The following GALNTL6 variants were observed in gnomAD, a reference collection of about 807,000 sequenced individuals.
GALNTL6 encodes the protein polypeptide N-acetylgalactosaminyltransferase like 6.
In GALNTL6, 46 loss-of-function variants were observed where a neutral mutation model predicts 73.7. The ratio of observed to expected loss-of-function variants is 0.62; its 90% confidence interval spans 0.49 to 0.80. GALNTL6 has a LOEUF of 0.80. Ranked by LOEUF, GALNTL6 falls within the 30% of genes least tolerant of loss-of-function variation. GALNTL6 has a pLI of 0.00. For synonymous variants in GALNTL6, 259 were observed against 263.7 expected, an observed-to-expected ratio of 0.98 and a Z score of 0.17; for missense variants, 604 against 755.0, an observed-to-expected ratio of 0.80 and a Z score of 2.34.
intron 2 of GALNTL6, among the ~76,000 whole-genome samples, chr4:172,210,051 A>G (rs1055807751): frequency 1.3e-5 from 2 of 152,142 alleles, no homozygotes; most frequent in African/African-American, 2.4e-5. Flanking sequence ...ACAATAAGCT[A>G]TGAATTGCAA....
intron 2 of GALNTL6, among the ~76,000 whole-genome samples, chr4:172,222,827 A>G (rs1736729749): frequency 6.6e-6 from 1 of 152,000 alleles, no homozygotes; most frequent in Non-Finnish European, 1.5e-5. Flanking sequence ...GTTTATACCA[A>G]TAAGAGACAA....
At chr4:172,382,637 C>T (rs1371270461) in intron 5 of GALNTL6, among the ~76,000 whole-genome samples, 1 of 152,002 alleles carries the variant, frequency 6.6e-6, no homozygotes, top group Non-Finnish European at 1.5e-5. Context: ...TTGTCTCATA[C>T]TTTTGGTGTT....
At chr4:172,743,701 C>A (rs190211459) in intron 5 of GALNTL6, among the ~76,000 whole-genome samples, 280 of 152,162 alleles carry the variant, frequency 1.8e-3, no homozygotes, top group African/African-American at 6.5e-3. Flanking sequence ...TAACAGAGAA[C>A]ATAACTGTGC....
intron 3 of GALNTL6, among the ~76,000 whole-genome samples, chr4:172,283,596 A>C (rs1008898165): frequency 1.3e-5 from 2 of 152,112 alleles, no homozygotes; most frequent in African/African-American, 4.8e-5. Flanking sequence ...TGTATTATTT[A>C]ATATTTCTTG....
intron 5 of GALNTL6, among the ~76,000 whole-genome samples, chr4:172,472,473 G>A (rs1733087527): frequency 6.6e-6 from 1 of 152,064 alleles, no homozygotes; most frequent in African/African-American, 2.4e-5. Flanking sequence ...GGGTTTAAGT[G>A]TGTCCTTAAA....
At chr4:172,187,445 T>A (rs1735447549) in intron 2 of GALNTL6, among the ~76,000 whole-genome samples, 1 of 152,138 alleles carries the variant, frequency 6.6e-6, no homozygotes, top group East Asian at 1.9e-4. Flanking sequence ...AACTACCCTC[T>A]CGAGACAATC....
At chr4:172,866,730 T>C (rs1442450531) in intron 7 of GALNTL6, among the ~76,000 whole-genome samples, 2 of 152,196 alleles carry the variant, frequency 1.3e-5, no homozygotes, top group Non-Finnish European at 2.9e-5. Flanking sequence ...AGGATGCTGC[T>C]GCGCTGTCTG....
chr4:172,005,391 T>C (rs1379161238), intron 2 of GALNTL6, among the ~76,000 whole-genome samples: 2 of 152,154 alleles, frequency 1.3e-5, no homozygotes, highest in Admixed American at 1.3e-4. Context: ...CCTCCCAAAC[T>C]GTTGGGATTA....
chr4:171,989,682 T>A (rs1740270885), intron 2 of GALNTL6, among the ~76,000 whole-genome samples: 1 of 152,218 alleles, frequency 6.6e-6, no homozygotes, highest in African/African-American at 2.4e-5. Flanking sequence ...GCAATGTTAA[T>A]TAAGTCCTGT....
At chr4:172,103,316 G>A (rs1356136659) in intron 2 of GALNTL6, among the ~76,000 whole-genome samples, 1 of 152,168 alleles carries the variant, frequency 6.6e-6, no homozygotes, top group African/African-American at 2.4e-5. Context: ...ACGATTTTAT[G>A]TCGTATTAAT....
intron 5 of GALNTL6, among the ~76,000 whole-genome samples, chr4:172,687,409 C>G (rs1732984027): frequency 2.6e-5 from 4 of 151,946 alleles, no homozygotes; most frequent in Admixed American, 2.6e-4. Context: ...GCGGGCGGAT[C>G]ACCAGGTCAG....
At chr4:172,074,951 C>A (rs1457425184) in intron 2 of GALNTL6, among the ~76,000 whole-genome samples, 1 of 152,050 alleles carries the variant, frequency 6.6e-6, no homozygotes, top group Non-Finnish European at 1.5e-5. Flanking sequence ...CTTGCTTTTC[C>A]ATTTTTAGTA....
At chr4:171,983,496 A>G (rs1269135608) in intron 2 of GALNTL6, among the ~76,000 whole-genome samples, 1 of 149,894 alleles carries the variant, frequency 6.7e-6, no homozygotes, top group Non-Finnish European at 1.5e-5. Context: ...TTATTTATTT[A>G]TTTATTTATT....
chr4:172,730,237 A>G (rs962602403), intron 5 of GALNTL6, among the ~76,000 whole-genome samples: 3 of 152,030 alleles, frequency 2.0e-5, no homozygotes, highest in African/African-American at 7.3e-5. Flanking sequence ...CTCTTTCCCA[A>G]TTGTTCTGGC....
At chr4:171,922,217 T>A (rs966350990) in intron 2 of GALNTL6, among the ~76,000 whole-genome samples, 2 of 152,054 alleles carry the variant, frequency 1.3e-5, no homozygotes, top group African/African-American at 4.8e-5. Context: ...TTTAAGAAAT[T>A]CCCATTTCTA....
intron 5 of GALNTL6, among the ~76,000 whole-genome samples, chr4:172,533,930 G>T (rs1024177845): frequency 2.0e-5 from 3 of 152,182 alleles, no homozygotes; most frequent in African/African-American, 7.2e-5. Context: ...ATTTTGCAGT[G>T]ATCTTGGTCT....
chr4:172,961,490 C>T (rs769321968), intron 10 of GALNTL6, among the ~76,000 whole-genome samples: 9 of 152,102 alleles, frequency 5.9e-5, no homozygotes, highest in Admixed American at 4.6e-4. Context: ...CGTGGTCAGA[C>T]GCCTCTGAAA....
At chr4:171,947,474 C>A (rs1403442732) in intron 2 of GALNTL6, among the ~76,000 whole-genome samples, 1 of 151,652 alleles carries the variant, frequency 6.6e-6, no homozygotes, top group African/African-American at 2.4e-5. Flanking sequence ...TCAAATAACT[C>A]ACTTCTTTCT....
intron 12 of GALNTL6, among the ~76,000 whole-genome samples, chr4:173,032,561 G>A (rs780453446): frequency 6.6e-6 from 1 of 152,040 alleles, no homozygotes; most frequent in African/African-American, 2.4e-5. Context: ...GTGGCAGCAC[G>A]CATGTGGTCC....
Sources: gnomAD v4.1 joint callset for allele counts (sites outside exome capture counted in the v4.1 genomes callset) on GRCh38, gnomAD v4.1.1 for gene constraint, MANE v1.5 for transcripts, NCBI Gene and HGNC (gene_info 2026-07-23, HGNC 2026-07-21) for gene names.